PEMT: variants seen among roughly 807,000 people sequenced by gnomAD.
The protein encoded by PEMT is phospholipid methyltransferase.
A neutral mutation model predicts 27.4 loss-of-function variants in PEMT; 23 were observed. That is an observed-to-expected ratio of 0.84 (90% CI 0.60 to 1.19). The LOEUF is 1.19. PEMT is among the 50% of genes most tolerant of loss of function. The pLI is 0.00. For missense variants in PEMT, 307 were observed against 310.1 expected, an observed-to-expected ratio of 0.99 and a Z score of 0.07; for synonymous variants, 137 against 139.1, an observed-to-expected ratio of 0.98 and a Z score of 0.11.
rs546033642 is a variant in PEMT at position 17,577,449 on chromosome 17, G to A, written c.97-422C>T. The A allele has an allele frequency of 1.1e-5, 11 of 1,042,282 alleles. No homozygotes were observed. In the African/African-American group the frequency reaches 1.2e-4, roughly 11 times the overall value. The allele number at this position is 1,042,282 out of a possible 1,614,324, so 64.6% of individuals were successfully genotyped here. On this transcript the variant is annotated intron_variant, in intron 1 of 6. Transcript: ENST00000255389. ...GTAAAAGCAAATTAAAACAATAGTG[G>A]TGTGCCTCTCCTCGCCCACACTCGA...
chr17:17,536,619 C>T (rs1334354579), intron 2 of PEMT, among the ~76,000 whole-genome samples: 1 of 152,178 alleles, frequency 6.6e-6, no homozygotes, highest in Non-Finnish European at 1.5e-5. Context: ...GTGTCCATGC[C>T]CTGGCTGGCT....
At chr17:17,517,448 T>A (rs1357537594) in intron 3 of PEMT, among the ~76,000 whole-genome samples, 1 of 149,970 alleles carries the variant, frequency 6.7e-6, no homozygotes, top group African/African-American at 2.4e-5. Context: ...AACTGTCCCA[T>A]CAGCTCCATG....
At chr17:17,551,863 G>A (rs74848782) in intron 2 of PEMT, among the ~76,000 whole-genome samples, 127 of 152,288 alleles carry the variant, frequency 8.3e-4, no homozygotes, top group African/African-American at 2.8e-3. Context: ...TGAGACGGAC[G>A]GTTAATTTTT....
At chr17:17,540,294 G>A (rs549630192) in intron 2 of PEMT, among the ~76,000 whole-genome samples, 33 of 152,344 alleles carry the variant, frequency 2.2e-4, no homozygotes, top group African/African-American at 7.5e-4. Flanking sequence ...GACGAGGAGG[G>A]GGCTGCCCCA....
chr17:17,534,647 G>A (rs1908328220), intron 2 of PEMT, among the ~76,000 whole-genome samples: 1 of 152,146 alleles, frequency 6.6e-6, no homozygotes, highest in Non-Finnish European at 1.5e-5. Flanking sequence ...GACAAGATTG[G>A]GCCAGATGGT....
chr17:17,552,030 C>T (rs141795745), intron 2 of PEMT, among the ~76,000 whole-genome samples: 8 of 152,290 alleles, frequency 5.3e-5, no homozygotes, highest in East Asian at 1.9e-4. Flanking sequence ...GGCGAAACCC[C>T]GTCTCTACTA....
intron 1 of PEMT, among the ~76,000 whole-genome samples, chr17:17,589,271 G>A (rs933452616): frequency 9.3e-6 from 1 of 107,210 alleles, no homozygotes. Flanking sequence ...CCCAACAGCT[G>A]ATTTTTTTTT....
intron 5 of PEMT, chr17:17,508,834 T>A (rs1172314090): frequency 4.5e-6 from 2 of 446,984 alleles, no homozygotes; most frequent in Non-Finnish European, 9.2e-6. Flanking sequence ...ATCTGCCACA[T>A]GGGCAGAGGC....
intron 1 of PEMT, among the ~76,000 whole-genome samples, chr17:17,586,894 T>G (rs778544666): frequency 6.6e-6 from 1 of 151,932 alleles, no homozygotes; most frequent in Non-Finnish European, 1.5e-5. Context: ...TCCTAGCTAC[T>G]TGGGAGGCTG....
chr17:17,585,066 G>C (rs915680869), intron 1 of PEMT, among the ~76,000 whole-genome samples: 3 of 152,202 alleles, frequency 2.0e-5, no homozygotes, highest in Non-Finnish European at 2.9e-5. Context: ...GGCCAGGCGC[G>C]GTGGCTCACG....
chr17:17,507,202 G>A (rs2142497451), intron 5 of PEMT: 2 of 1,555,822 alleles, frequency 1.3e-6, no homozygotes, highest in East Asian at 2.4e-5. Flanking sequence ...GTGCTGGGCT[G>A]CTGCCAGGGA....
chr17:17,518,231 G>A (rs992648011), intron 3 of PEMT: 29 of 872,298 alleles, frequency 3.3e-5, no homozygotes, highest in Admixed American at 1.2e-4. Flanking sequence ...GAGGGAGGAA[G>A]GGCTGCAGCC....
At chr17:17,571,089 C>G (rs969955763) in intron 2 of PEMT, among the ~76,000 whole-genome samples, 22 of 152,188 alleles carry the variant, frequency 1.4e-4, no homozygotes, top group African/African-American at 4.6e-4. Context: ...CTGTCAGTCC[C>G]TCTGTGACAC....
intron 2 of PEMT, among the ~76,000 whole-genome samples, chr17:17,543,087 G>A (rs926733128): frequency 6.6e-6 from 1 of 152,218 alleles, no homozygotes; most frequent in African/African-American, 2.4e-5. Context: ...ATGTCAGAAT[G>A]CAGACTCTCA....
chr17:17,571,422 G>A (rs1325076338), intron 2 of PEMT, among the ~76,000 whole-genome samples: 1 of 152,124 alleles, frequency 6.6e-6, no homozygotes, highest in African/African-American at 2.4e-5. Context: ...GGAAGAGCAG[G>A]AGGAGGCCTT....
chr17:17,589,111 C>T (rs1912470640), intron 1 of PEMT, among the ~76,000 whole-genome samples: 1 of 152,194 alleles, frequency 6.6e-6, no homozygotes, highest in Non-Finnish European at 1.5e-5. Flanking sequence ...CAGGCATGTG[C>T]CGCCACGCCT....
chr17:17,520,749 C>T (rs1330532405), intron 3 of PEMT, among the ~76,000 whole-genome samples: 1 of 152,258 alleles, frequency 6.6e-6, no homozygotes, highest in Non-Finnish European at 1.5e-5. Flanking sequence ...GATAGCCACC[C>T]AGGCCTAGAG....
At chr17:17,553,134 C>T (rs1162240197) in intron 2 of PEMT, among the ~76,000 whole-genome samples, 1 of 152,196 alleles carries the variant, frequency 6.6e-6, no homozygotes, top group Non-Finnish European at 1.5e-5. Context: ...TCCTCAGGGA[C>T]CTGTATCCAT....
intron 2 of PEMT, among the ~76,000 whole-genome samples, chr17:17,574,098 G>T (rs763514340): frequency 6.6e-6 from 1 of 151,990 alleles, no homozygotes; most frequent in African/African-American, 2.4e-5. Flanking sequence ...TACTCTCCCC[G>T]GCAGCAGCCC....
Sources: allele counts gnomAD v4.1 joint callset (sites outside exome capture counted in the v4.1 genomes callset), GRCh38; gene constraint gnomAD v4.1.1; transcripts MANE v1.5; gene names NCBI Gene and HGNC (gene_info 2026-07-23, HGNC 2026-07-21).